Variants in CHD1L observed in about 807,000 individuals in gnomAD.
CHD1L encodes the protein chromodomain helicase DNA binding protein 1 like.
A neutral mutation model predicts 115.9 loss-of-function variants in CHD1L; 118 were observed. The observed-to-expected ratio is 1.02, with a 90% CI of 0.88 to 1.19. The LOEUF (loss-of-function observed/expected upper bound fraction) is 1.19. CHD1L is among the 50% of genes most tolerant of loss of function. The probability of loss-of-function intolerance (pLI) is 0.00; values close to 1 mark genes in which losing one functional copy is unlikely to be tolerated. For synonymous variants in CHD1L, 411 were observed against 387.1 expected (o/e 1.06, Z -0.72); for missense variants, 1,179 against 1,065.3 (o/e 1.11, Z -1.49).
intron 22 of CHD1L, among the ~76,000 whole-genome samples, chr1:147,294,876 T>C (rs1271537033): frequency 5.9e-5 from 9 of 152,214 alleles, no homozygotes; most frequent in African/African-American, 2.2e-4. Context: ...CTTCACACTG[T>C]TCATTTTAAT....
the CHD1L span, chr1:147,176,358 T>G: frequency 6.6e-6 from 1 of 152,224 alleles, no homozygotes; most frequent in Admixed American, 6.5e-5. Flanking sequence ...AGGATTTGCA[T>G]GTAAATTCTA....
upstream of CHD1L, among the ~76,000 whole-genome samples, chr1:147,239,969 C>G (rs1553930385): frequency 6.6e-6 from 1 of 152,148 alleles, no homozygotes; most frequent in African/African-American, 2.4e-5. Flanking sequence ...TCTGGAGAAG[C>G]CACCAAAGGA....
chr1:147,242,290 C>A (rs1053796176), upstream of CHD1L, among the ~76,000 whole-genome samples: 1 of 152,200 alleles, frequency 6.6e-6, no homozygotes, highest in Admixed American at 6.5e-5. Context: ...TTGATCTTAT[C>A]GTGAATCACT....
At chr1:147,275,276 C>T (rs1004575124) in intron 12 of CHD1L, 78 bp from the exon 13 acceptor site, 28 of 1,027,602 alleles carry the variant, frequency 2.7e-5, no homozygotes, top group Non-Finnish European at 4.1e-5. Flanking sequence ...ATCAGTCTGA[C>T]CCACTCTAGC....
chr1:147,178,455 T>C, the CHD1L span: 2 of 1,611,574 alleles, frequency 1.2e-6, no homozygotes, highest in Non-Finnish European at 1.7e-6. Context: ...AAGCAGGTGC[T>C]TATGATGGAC....
At chr1:147,257,825 C>A (rs1362412735) in intron 5 of CHD1L, among the ~76,000 whole-genome samples, 1 of 152,184 alleles carries the variant, frequency 6.6e-6, no homozygotes, top group African/African-American at 2.4e-5. Flanking sequence ...GCATTTGGTG[C>A]TGTGGAGCCT....
chr1:147,214,658 C>T, the CHD1L span: 27,589 of 151,956 alleles, frequency 0.18, 3,156 homozygotes, highest in South Asian at 0.26. Context: ...AAGAAAACTT[C>T]CCTGGAACCT....
At chr1:147,276,650 A>C (rs1473703392) in intron 14 of CHD1L, among the ~76,000 whole-genome samples, 4 of 152,240 alleles carry the variant, frequency 2.6e-5, no homozygotes, top group African/African-American at 9.6e-5. Flanking sequence ...CTTCATACTC[A>C]GAAGAGGGCG....
chr1:147,203,865 C>A, the CHD1L span: 1 of 1,581,250 alleles, frequency 6.3e-7, no homozygotes, highest in Non-Finnish European at 8.7e-7. Flanking sequence ...ACCTGAGTAT[C>A]TCCAACTTCT....
the CHD1L span, among the ~76,000 whole-genome samples, chr1:147,200,051 C>T: frequency 1.3e-5 from 2 of 152,190 alleles, no homozygotes; most frequent in Admixed American, 6.5e-5. Flanking sequence ...TACCTTCCCC[C>T]TCTCCTGCCC....
the CHD1L span, among the ~76,000 whole-genome samples, chr1:147,235,105 G>T: frequency 3.3e-5 from 5 of 151,952 alleles, no homozygotes; most frequent in Admixed American, 2.6e-4. Context: ...GTGTGTGTGT[G>T]TGTGTGTGTG....
chr1:147,178,655 A>G, the CHD1L span: 1 of 1,578,316 alleles, frequency 6.3e-7, no homozygotes, highest in East Asian at 2.2e-5. Context: ...TTGAGGGATA[A>G]CTACCGATTT....
intron 10 of CHD1L, among the ~76,000 whole-genome samples, chr1:147,270,374 TAC>T (rs1675674773): frequency 1.3e-5 from 2 of 152,152 alleles, no homozygotes. Flanking sequence ...AGACATCACT[TAC>T]CCCTTGCTTC....
At chr1:147,252,227 G>C (rs1376693872) in intron 1 of CHD1L, among the ~76,000 whole-genome samples, 1 of 152,218 alleles carries the variant, frequency 6.6e-6, no homozygotes, top group East Asian at 1.9e-4. Flanking sequence ...ATTTAAATGG[G>C]TGCAATTAAA....
At chr1:147,176,280 G>T in the CHD1L span, 7 of 152,180 alleles carry the variant, frequency 4.6e-5, 1 homozygote, top group South Asian at 1.5e-3. Context: ...CCTAAAGGAA[G>T]ATAGACCCAA....
At chr1:147,223,195 T>C in the CHD1L span, among the ~76,000 whole-genome samples, 1 of 152,198 alleles carries the variant, frequency 6.6e-6, no homozygotes, top group Non-Finnish European at 1.5e-5. Context: ...CTCCATACCA[T>C]ATTGTGGCTG....
the CHD1L span, among the ~76,000 whole-genome samples, chr1:147,228,820 T>A: frequency 4.6e-5 from 7 of 152,244 alleles, no homozygotes; most frequent in Non-Finnish European, 8.8e-5. Flanking sequence ...TTGAGAAGTG[T>A]CTCTTCATTT....
Position 147,285,507 on chromosome 1 carries a change from G to C in CHD1L, c.2018+20G>C, listed in dbSNP as rs1682740358. On this transcript the variant is annotated intron_variant, in intron 17 of 22. Coordinates refer to ENST00000369258, the MANE Select transcript of CHD1L (RefSeq NM_004284.6). ...GAAAAAGTATGTCTGCGTTAACCAA[G>C]CTGGCGGCCACAGTTGAAGGAGTCA... is the stretch of plus-strand genomic sequence containing the variant. 6.2e-7 allele frequency: 1 copy of C among 1,600,368 alleles called. No homozygotes were observed. Among genetic ancestry groups the C allele is most frequent in the South Asian group, 1.1e-5 (1 of 88,792 alleles).
upstream of CHD1L, chr1:147,242,500 C>T: frequency 2.2e-6 from 1 of 448,076 alleles, no homozygotes; most frequent in Non-Finnish European, 3.6e-6. Context: ...AACTGGGCAG[C>T]CCTTCCACGC....
Sources: allele counts gnomAD v4.1 joint callset (sites outside exome capture counted in the v4.1 genomes callset), GRCh38; gene constraint gnomAD v4.1.1; transcripts MANE v1.5; gene names NCBI Gene and HGNC (gene_info 2026-07-23, HGNC 2026-07-21).